Variants in RNF6 observed in about 807,000 individuals in gnomAD.
The protein encoded by RNF6 is E3 ubiquitin-protein ligase RNF6.
Under a neutral mutation model 50.1 loss-of-function variants are expected in RNF6, and 21 were observed. That is an observed-to-expected ratio of 0.42 (90% CI 0.30 to 0.60). RNF6 has a LOEUF of 0.60. Among genes scored for constraint, RNF6 ranks in the 20% least tolerant of loss-of-function variants. The pLI is 0.20. For missense variants in RNF6, 698 were observed against 838.2 expected (o/e 0.83, Z 2.07); for synonymous variants, 255 against 291.8 (o/e 0.87, Z 1.29).
chr13:26,138,924 T>C (rs1315242639), intron 5 of RNF6, among the ~76,000 whole-genome samples: 1 of 152,208 alleles, frequency 6.6e-6, no homozygotes, highest in Non-Finnish European at 1.5e-5. Flanking sequence ...ACTTCACATC[T>C]GGTCAGACGG....
chr13:26,173,849 G>C lies in RNF6; in HGVS notation n.769-41398C>G, dbSNP rs143775282. On this transcript the variant is annotated intron_variant and non_coding_transcript_variant, in intron 5 of 5. Coordinates refer to the RNF6 transcript ENST00000468480. ...GCCTGTAATCCTAGCTACTCGGGAG[G>C]CTGAGGCAGGAGAATCACTTGAACT... 2.9e-3 allele frequency among the ~76,000 whole-genome samples: 435 copies of C among 151,504 alleles called. 2 individuals are homozygous for C. The highest frequency in any genetic ancestry group is 4.5e-3 in the Non-Finnish European group (305 of 67,904).
downstream of RNF6, among the ~76,000 whole-genome samples, chr13:26,211,811 G>A (rs763947602): frequency 2.0e-5 from 3 of 151,986 alleles, no homozygotes; most frequent in Admixed American, 6.6e-5. Context: ...CCTCATACTG[G>A]GGGCAAATTT....
intron 5 of RNF6, among the ~76,000 whole-genome samples, chr13:26,184,019 T>TATATATATATATATATATATA (rs1491321211): frequency 4.9e-5 from 1 of 20,344 alleles, no homozygotes; most frequent in African/African-American, 1.7e-4. Flanking sequence ...TATATATATA[T>TATATATATATATATATATATA]TTTTTTTTTT....
intron 5 of RNF6, among the ~76,000 whole-genome samples, chr13:26,139,005 A>G (rs192481085): frequency 3.3e-5 from 5 of 152,314 alleles, no homozygotes. Flanking sequence ...TCCAAATACA[A>G]TTATATTAAC....
intron 5 of RNF6, among the ~76,000 whole-genome samples, chr13:26,172,259 C>T (rs7985629): frequency 0.72 from 110,089 of 151,904 alleles, 40,492 homozygotes; most frequent in East Asian, 0.8. Context: ...GATGCTGGAA[C>T]AGCTGGTTAG....
Position 26,214,527 on chromosome 13 carries a change from C to T in RNF6, c.1355G>A (p.Gly452Asp), listed in dbSNP as rs1869623883. Residue 452 changes from glycine (G) to aspartate (D), a missense_variant, in exon 5 of 5, where the codon GGT becomes GAT. Gly to Asp is a moderately conservative substitution (Grantham distance 94). Transcript: ENST00000381588. ...RRTISRLERSGIRTYVSTITV... is the reference protein window; with the variant it reads ...RRTISRLERSDIRTYVSTITV... The stretch of plus-strand genomic sequence containing the variant: ...TATGGTACTAACATAGGTTCGAATA[C>T]CTGACCGCTCTAAACGAGAAATGGT... 6.2e-7 allele frequency: 1 copy of T among 1,614,018 alleles called. No individual in the cohort carries two copies. Among genetic ancestry groups the T allele is most frequent in the South Asian group, 1.1e-5 (1 of 91,082 alleles).
At chr13:26,183,519 C>G (rs891015574) in intron 5 of RNF6, among the ~76,000 whole-genome samples, 2 of 152,174 alleles carry the variant, frequency 1.3e-5, no homozygotes, top group Non-Finnish European at 2.9e-5. Flanking sequence ...GATCAGGACT[C>G]TAATTCACTT....
chr13:26,146,079 G>C (rs1456844652), intron 5 of RNF6, among the ~76,000 whole-genome samples: 1 of 152,208 alleles, frequency 6.6e-6, no homozygotes, highest in Non-Finnish European at 1.5e-5. Context: ...TGTCCATTCA[G>C]AGATAGTGTC....
At chr13:26,190,978 A>C (rs1288277194) in intron 5 of RNF6, among the ~76,000 whole-genome samples, 5 of 152,234 alleles carry the variant, frequency 3.3e-5, no homozygotes, top group Admixed American at 1.3e-4. Context: ...GTGACCATCC[A>C]TAAATTAGTT....
intron 5 of RNF6, among the ~76,000 whole-genome samples, chr13:26,136,779 A>G (rs1870666223): frequency 6.6e-6 from 1 of 152,158 alleles, no homozygotes; most frequent in African/African-American, 2.4e-5. Context: ...GAGGCCAGTG[A>G]TATGATAAAG....
At chr13:26,141,785 A>G (rs2137557309) in intron 5 of RNF6, among the ~76,000 whole-genome samples, 1 of 152,264 alleles carries the variant, frequency 6.6e-6, no homozygotes, top group South Asian at 2.1e-4. Flanking sequence ...ATTCTAAAAG[A>G]AAACCTAGGA....
chr13:26,169,609 C>T (rs147893704), intron 5 of RNF6, among the ~76,000 whole-genome samples: 1 of 152,086 alleles, frequency 6.6e-6, no homozygotes, highest in Non-Finnish European at 1.5e-5. Flanking sequence ...AGTCTCTTGC[C>T]GGCCTTAAGA....
At chr13:26,132,389 AT>A (rs1343552074) in exon 6 of RNF6, 3 of 456,106 alleles carry the variant, frequency 6.6e-6, no homozygotes, top group Admixed American at 4.7e-5. Context: ...TTCACAGTCT[AT>A]TTTTCCAGAT....
chr13:26,188,829 C>T (rs1212843668), intron 5 of RNF6, among the ~76,000 whole-genome samples: 3 of 151,624 alleles, frequency 2.0e-5, no homozygotes, highest in African/African-American at 7.3e-5. Context: ...GAGGTTTCAA[C>T]ATGTTGGCCA....
At chr13:26,186,752 A>G (rs1041997514) in intron 5 of RNF6, among the ~76,000 whole-genome samples, 20 of 149,040 alleles carry the variant, frequency 1.3e-4, no homozygotes, top group African/African-American at 4.7e-4. Context: ...AGGGCAGGGA[A>G]GCGTCAGGGA....
At chr13:26,149,585 T>TA (rs1232753544) in intron 5 of RNF6, among the ~76,000 whole-genome samples, 54 of 141,014 alleles carry the variant, frequency 3.8e-4, no homozygotes, top group Admixed American at 6.4e-4. Flanking sequence ...AGACTCCGTC[T>TA]AAAAAAAAAA....
At chr13:26,137,232 A>G (rs74851210) in intron 5 of RNF6, among the ~76,000 whole-genome samples, 1 of 152,166 alleles carries the variant, frequency 6.6e-6, no homozygotes, top group African/African-American at 2.4e-5. Flanking sequence ...ATGTCTACAG[A>G]AAAGTGCATT....
At chr13:26,193,412 A>C (rs990213906) in intron 5 of RNF6, among the ~76,000 whole-genome samples, 1 of 152,224 alleles carries the variant, frequency 6.6e-6, no homozygotes, top group South Asian at 2.1e-4. Context: ...GGGAGTTAGC[A>C]ACTGAAATCA....
chr13:26,148,634 A>C lies in RNF6; in HGVS notation n.769-16183T>G, dbSNP rs1315031052. Among the ~76,000 whole-genome samples, 80 of 75,400 alleles carry C rather than the reference A, an allele frequency of 1.1e-3. 1 individual carries two copies. Among genetic ancestry groups the C allele is most frequent in the African/African-American group, 3.4e-3 (80 of 23,440 alleles). 49.5% of individuals were successfully genotyped at this position (75,400 alleles called of 152,430 possible). A position where few individuals can be genotyped will look rare whatever the true frequency, so the allele number is the denominator to read the frequency against. On this transcript the variant is annotated intron_variant and non_coding_transcript_variant, in intron 5 of 5. Coordinates refer to the RNF6 transcript ENST00000468480. ...TAGAAACAATAGTATAAATCTCTTT[A>C]TATATATATATATATATATATATAT...
Sources: gnomAD v4.1 joint callset for allele counts (sites outside exome capture counted in the v4.1 genomes callset) on GRCh38, gnomAD v4.1.1 for gene constraint, MANE v1.5 for transcripts, NCBI Gene and HGNC (gene_info 2026-07-23, HGNC 2026-07-21) for gene names.